PRDM16: variants seen among roughly 807,000 people sequenced by gnomAD.
PRDM16 encodes the protein histone-lysine N-methyltransferase PRDM16.
PRDM16 carries 23 observed loss-of-function variants against 110.6 expected under a neutral mutation model. The ratio of observed to expected loss-of-function variants is 0.21; its 90% confidence interval spans 0.15 to 0.29. PRDM16 has a LOEUF of 0.29. PRDM16 is among the 10% of genes least tolerant of loss of function. PRDM16 has a pLI of 1.00. For synonymous variants in PRDM16, 799 were observed against 781.8 expected (o/e 1.02, Z -0.37); for missense variants, 1,615 against 1,794.3 (o/e 0.90, Z 1.81).
At chr1:3,423,731 T>C (rs1196555623) in intron 12 of PRDM16, among the ~76,000 whole-genome samples, 2 of 152,178 alleles carry the variant, frequency 1.3e-5, no homozygotes, top group Non-Finnish European at 2.9e-5. Flanking sequence ...TGCCCCATCC[T>C]GGTGCCTCCA....
chr1:3,376,277 G>C (rs1642988729), intron 3 of PRDM16, among the ~76,000 whole-genome samples: 1 of 152,202 alleles, frequency 6.6e-6, no homozygotes, highest in African/African-American at 2.4e-5. Flanking sequence ...AGGCTACAAA[G>C]TGTGGAATTT....
At chr1:3,173,479 G>A (rs938186272) in intron 1 of PRDM16, among the ~76,000 whole-genome samples, 3 of 152,368 alleles carry the variant, frequency 2.0e-5, no homozygotes, top group Middle Eastern at 3.4e-3. Flanking sequence ...CAGGTGGCCT[G>A]AGCTGCCCGA....
intron 1 of PRDM16, among the ~76,000 whole-genome samples, chr1:3,091,027 G>A (rs1389697664): frequency 6.6e-6 from 1 of 152,202 alleles, no homozygotes; most frequent in Non-Finnish European, 1.5e-5. Context: ...AGTCTGCCCG[G>A]AGACCTCAGC....
intron 2 of PRDM16, among the ~76,000 whole-genome samples, chr1:3,214,185 A>G (rs2100852763): frequency 6.6e-6 from 1 of 152,342 alleles, no homozygotes; most frequent in South Asian, 2.1e-4. Context: ...CTTTTCAGAC[A>G]GGCGTCTTTT....
At chr1:3,251,814 T>C (rs1052098038) in intron 3 of PRDM16, among the ~76,000 whole-genome samples, 11 of 152,280 alleles carry the variant, frequency 7.2e-5, no homozygotes, top group South Asian at 2.1e-4. Context: ...GGGTGCAATA[T>C]TGAGTTAATT....
At chr1:3,165,048 G>A (rs1366685090) in intron 1 of PRDM16, among the ~76,000 whole-genome samples, 2 of 152,252 alleles carry the variant, frequency 1.3e-5, no homozygotes, top group South Asian at 2.1e-4. Context: ...TTGGGGAGAT[G>A]CCTGGGCATG....
chr1:3,184,191 C>A (rs192122723), intron 1 of PRDM16, among the ~76,000 whole-genome samples: 1 of 152,222 alleles, frequency 6.6e-6, no homozygotes, highest in African/African-American at 2.4e-5. Flanking sequence ...ATAATTACTT[C>A]TCTGAATGCT....
At chr1:3,170,957 C>T (rs910354456) in intron 1 of PRDM16, among the ~76,000 whole-genome samples, 1 of 152,268 alleles carries the variant, frequency 6.6e-6, no homozygotes, top group Non-Finnish European at 1.5e-5. Flanking sequence ...CCAGCCCAAA[C>T]GAGGCTGTCC....
chr1:3,112,126 C>T (rs1161471058), intron 1 of PRDM16, among the ~76,000 whole-genome samples: 2 of 152,184 alleles, frequency 1.3e-5, no homozygotes, highest in East Asian at 3.9e-4. Context: ...TTCCTTTCCC[C>T]CCCTTATTTT....
In PRDM16 at chr1:3,437,823, AT is replaced by A. The variant is rs1375786678; in HGVS notation, c.*4014del. ...TGTGATTCACTTGTGAACAAAAGTC[AT>A]TCTAACAATTGCCTTCAGCGTCACG... On this transcript the variant is annotated 3_prime_UTR_variant, in exon 17 of 17. Transcript: ENST00000270722. 11 of 217,384 alleles carry A rather than the reference AT, an allele frequency of 5.1e-5. No homozygotes were observed. Among genetic ancestry groups the A allele is most frequent in the Non-Finnish European group, 1.9e-5 (2 of 108,092 alleles). The allele number at this position is 217,384 out of a possible 1,614,324, so 13.5% of individuals were successfully genotyped here.
chr1:3,438,301 C>T lies in PRDM16; in HGVS notation c.*4490C>T, dbSNP rs1001031728. ...TTATTGAATATGTGATTAGGATCTA[C>T]GTCTGAGACTAGGAGTCCTGAACTG... On this transcript the variant is annotated 3_prime_UTR_variant, in exon 17 of 17. Coordinates refer to ENST00000270722, the MANE Select transcript of PRDM16 (RefSeq NM_022114.4). The T allele has an allele frequency of 1.0e-5, 2 of 200,568 alleles. No homozygotes were observed. The highest frequency in any genetic ancestry group is 1.9e-4 in the South Asian group (1 of 5,240). 12.4% of individuals were successfully genotyped at this position (200,568 alleles called of 1,614,324 possible). A position where few individuals can be genotyped will look rare whatever the true frequency, so the allele number is the denominator to read the frequency against.
chr1:3,128,904 G>T (rs576862852), intron 1 of PRDM16, among the ~76,000 whole-genome samples: 1 of 152,254 alleles, frequency 6.6e-6, no homozygotes, highest in East Asian at 1.9e-4. Flanking sequence ...GGCCCCAGGT[G>T]GGGGTGCGCA....
chr1:3,303,546 C>T (rs1029386125), intron 3 of PRDM16, among the ~76,000 whole-genome samples: 3 of 152,172 alleles, frequency 2.0e-5, no homozygotes, highest in East Asian at 1.9e-4. Flanking sequence ...GTGTTTGTGT[C>T]GAGAGACATC....
At chr1:3,088,528 C>T (rs1342828250) in intron 1 of PRDM16, among the ~76,000 whole-genome samples, 3 of 150,934 alleles carry the variant, frequency 2.0e-5, no homozygotes, top group Non-Finnish European at 3.0e-5. Flanking sequence ...TGCGGTGGCG[C>T]GATCTCAGCT....
chr1:3,328,017 C>G (rs776229005), intron 3 of PRDM16, among the ~76,000 whole-genome samples: 6 of 152,238 alleles, frequency 3.9e-5, no homozygotes, highest in Non-Finnish European at 8.8e-5. Flanking sequence ...GCAGGAGTCT[C>G]TGGGGACCGG....
At chr1:3,182,890 C>A (rs1216020769) in intron 1 of PRDM16, among the ~76,000 whole-genome samples, 3 of 152,166 alleles carry the variant, frequency 2.0e-5, no homozygotes, top group Admixed American at 6.5e-5. Context: ...TCACTCAGCT[C>A]CCTTCCAGCC....
At chr1:3,292,735 GA>G (rs1249020974) in intron 3 of PRDM16, among the ~76,000 whole-genome samples, 1 of 152,216 alleles carries the variant, frequency 6.6e-6, no homozygotes, top group Non-Finnish European at 1.5e-5. Flanking sequence ...AGGGGTCACG[GA>G]ATTGGCGCGA....
chr1:3,316,125 G>A (rs1232132233), intron 3 of PRDM16, among the ~76,000 whole-genome samples: 1 of 123,332 alleles, frequency 8.1e-6, no homozygotes, highest in Admixed American at 1.0e-4. Context: ...GGCAGGAATC[G>A]TCTGTCACTG....
chr1:3,336,176 G>T (rs1570096144), intron 3 of PRDM16, among the ~76,000 whole-genome samples: 1 of 152,254 alleles, frequency 6.6e-6, no homozygotes, highest in Non-Finnish European at 1.5e-5. Flanking sequence ...TGCCAAGATA[G>T]CGGGGGACAT....
Sources: allele counts gnomAD v4.1 joint callset (sites outside exome capture counted in the v4.1 genomes callset), GRCh38; gene constraint gnomAD v4.1.1; transcripts MANE v1.5; gene names NCBI Gene and HGNC (gene_info 2026-07-23, HGNC 2026-07-21).